SLC36A4: variants seen among roughly 807,000 people sequenced by gnomAD.
SLC36A4 encodes neutral amino acid uniporter 4.
A neutral mutation model predicts 50.5 loss-of-function variants in SLC36A4; 49 were observed. The ratio of observed to expected loss-of-function variants is 0.97; its 90% CI spans 0.77 to 1.23. SLC36A4 has a LOEUF of 1.23. SLC36A4 is among the 50% of genes most tolerant of loss of function. SLC36A4 has a pLI of 0.00. For synonymous variants in SLC36A4, 207 were observed against 206.5 expected (o/e 1.00, Z -0.02); for missense variants, 611 against 608.4 (o/e 1.00, Z -0.05).
chr11:93,180,701 T>C, intron 6 of SLC36A4, 96 bp downstream of exon 6: 3 of 847,212 alleles, frequency 3.5e-6, no homozygotes, highest in Non-Finnish European at 5.7e-6. Context: ...AAGGAACACA[T>C]TTTCAAATTC....
Position 93,148,379 on chromosome 11 carries a change from TA to T in SLC36A4, c.*157del. 1.5e-6 allele frequency: 1 copy of T among 654,396 alleles called. No homozygotes were observed. The highest frequency in any genetic ancestry group is 2.2e-5 in the South Asian group (1 of 44,868). 40.5% of individuals were successfully genotyped at this position (654,396 alleles called of 1,614,324 possible). A position where few individuals can be genotyped will look rare whatever the true frequency, so the allele number is the denominator to read the frequency against. On this transcript the variant is annotated 3_prime_UTR_variant, in exon 11 of 11. Transcript: ENST00000326402. ...CAAGGATTTTTCATAGGTTTACCAC[TA>T]CTGGTAAAGAGTTATGATTACTTCC...
At chr11:93,186,676 T>C (rs1172670126) in intron 1 of SLC36A4, among the ~76,000 whole-genome samples, 1 of 152,234 alleles carries the variant, frequency 6.6e-6, no homozygotes, top group Non-Finnish European at 1.5e-5. Context: ...TGACAATACA[T>C]ATGATGTTTT....
At chr11:93,175,304 CATT>C (rs1861404498) in intron 6 of SLC36A4, among the ~76,000 whole-genome samples, 1 of 151,888 alleles carries the variant, frequency 6.6e-6, no homozygotes, top group Non-Finnish European at 1.5e-5. Context: ...TCCCCTTTAT[CATT>C]TTTTATTGCG....
chr11:93,184,762 C>A (rs954356452), intron 2 of SLC36A4, among the ~76,000 whole-genome samples: 5 of 152,032 alleles, frequency 3.3e-5, no homozygotes, highest in Admixed American at 2.6e-4. Flanking sequence ...ATCCGCCAAA[C>A]AAGATACTAA....
At position 93,148,367 on chromosome 11, in the gene SLC36A4, T is replaced by C. The variant is rs770797587; in HGVS notation, c.*170A>G. The C allele has an allele frequency of 8.9e-6, 5 of 560,458 alleles. No homozygotes were observed. Among genetic ancestry groups the C allele is most frequent in the African/African-American group, 3.9e-5 (2 of 51,070 alleles). The allele number at this position is 560,458 out of a possible 1,614,324, so 34.7% of individuals were successfully genotyped here. On this transcript the variant is annotated 3_prime_UTR_variant, in exon 11 of 11. Transcript: ENST00000326402. ...AACACTTAAAAGCAAGGATTTTTCA[T>C]AGGTTTACCACTACTGGTAAAGAGT...
intron 1 of SLC36A4, chr11:93,193,173 T>C: frequency 6.8e-6 from 2 of 294,022 alleles, no homozygotes; most frequent in Non-Finnish European, 1.0e-5. Flanking sequence ...ATTTATGACC[T>C]ATAAACTGTG....
chr11:93,172,596 T>C, intron 6 of SLC36A4, among the ~76,000 whole-genome samples: 1 of 140,520 alleles, frequency 7.1e-6, no homozygotes, highest in African/African-American at 2.6e-5. Flanking sequence ...TCCCTCCCCA[T>C]CCCCCCACCC....
rs950445379 is a variant in SLC36A4 at position 93,148,433 on chromosome 11, C to G, written c.*104G>C. On this transcript the variant is annotated 3_prime_UTR_variant, in exon 11 of 11. Transcript: ENST00000326402. The stretch of plus-strand genomic sequence containing the variant: ...AATATTAATATCGTGCCAAAGAAAA[C>G]AGAGTTTGTTACCATTTTTATGTAT... 9.9e-6 allele frequency: 10 copies of G among 1,006,460 alleles called. No homozygotes were observed. The African/African-American group carries it at 1.6e-4, about 17-fold the overall frequency. 62.3% of individuals were successfully genotyped at this position (1,006,460 alleles called of 1,614,324 possible).
intron 6 of SLC36A4, among the ~76,000 whole-genome samples, chr11:93,179,099 C>T (rs776299246): frequency 1.3e-5 from 2 of 152,112 alleles, no homozygotes; most frequent in Non-Finnish European, 1.5e-5. Flanking sequence ...TGGCAGAGAC[C>T]ATCAATACGG....
At chr11:93,185,602 A>G (rs1315795172) in intron 2 of SLC36A4, 89 bp downstream of exon 2, 2 of 1,202,010 alleles carry the variant, frequency 1.7e-6, no homozygotes, top group African/African-American at 3.1e-5. Flanking sequence ...TGTGTCTTGT[A>G]ATGTAATAGA....
intron 7 of SLC36A4, chr11:93,166,894 G>T (rs1051064127): frequency 1.3e-5 from 2 of 152,150 alleles, no homozygotes; most frequent in African/African-American, 4.8e-5. Flanking sequence ...CATATACTGG[G>T]TTTAGAATGA....
At chr11:93,196,443 G>T (rs756944638) in intron 1 of SLC36A4, among the ~76,000 whole-genome samples, 5 of 151,952 alleles carry the variant, frequency 3.3e-5, no homozygotes, top group African/African-American at 7.3e-5. Flanking sequence ...CTCGGCTCAC[G>T]GCAAGCTCCG....
At chr11:93,196,516 G>C (rs574154962) in intron 1 of SLC36A4, among the ~76,000 whole-genome samples, 1 of 152,076 alleles carries the variant, frequency 6.6e-6, no homozygotes, top group Non-Finnish European at 1.5e-5. Context: ...ACAGGCGCCC[G>C]CCACCACGCC....
Position 93,197,775 on chromosome 11 carries a change from G to T in SLC36A4, c.55+3C>A, listed in dbSNP as rs746302628. On this transcript the variant is annotated splice_donor_region_variant and intron_variant, in intron 1 of 10. Transcript: ENST00000326402. ...CGGCTCCCTGCCCACGCACAACACCGACCTAGCTCCTCGCGCCTCGCCGCC... is the reference window on the plus strand; with the variant it reads ...CGGCTCCCTGCCCACGCACAACACCTACCTAGCTCCTCGCGCCTCGCCGCC... The T allele has an allele frequency of 2.5e-6, 4 of 1,588,372 alleles. No homozygotes were observed. The highest frequency in any genetic ancestry group is 3.4e-6 in the Non-Finnish European group (4 of 1,174,086).
At chr11:93,172,659 T>C (rs1226317425) in intron 6 of SLC36A4, among the ~76,000 whole-genome samples, 1 of 143,056 alleles carries the variant, frequency 7.0e-6, no homozygotes, top group Non-Finnish European at 1.5e-5. Flanking sequence ...TGTGATCTCA[T>C]TGTTCAATTC....
At chr11:93,160,037 TGAAA>T (rs1860549827) in intron 9 of SLC36A4, 1 of 985,262 alleles carries the variant, frequency 1.0e-6, no homozygotes, top group African/African-American at 1.7e-5. Context: ...AGGAAAGAAG[TGAAA>T]GAGAGACTCG....
At chr11:93,182,297 T>C (rs1861771861) in intron 4 of SLC36A4, 1 of 897,126 alleles carries the variant, frequency 1.1e-6, no homozygotes, top group Non-Finnish European at 1.3e-6. Context: ...TTGCCCAAAG[T>C]TTTAAGAGTA....
intron 9 of SLC36A4, 103 bp downstream of exon 9, chr11:93,162,603 T>A (rs1325837781): frequency 2.9e-6 from 3 of 1,036,126 alleles, no homozygotes; most frequent in South Asian, 3.8e-5. Context: ...ACAGTAAAAA[T>A]TTTAAATGTT....
At chr11:93,181,091 T>C (rs1190376522) in intron 5 of SLC36A4, among the ~76,000 whole-genome samples, 1 of 152,070 alleles carries the variant, frequency 6.6e-6, no homozygotes, top group African/African-American at 2.4e-5. Flanking sequence ...CTACTAACAC[T>C]GTTCTTCTTT....
Sources: gnomAD v4.1 joint callset for allele counts (sites outside exome capture counted in the v4.1 genomes callset) on GRCh38, gnomAD v4.1.1 for gene constraint, MANE v1.5 for transcripts, NCBI Gene and HGNC (gene_info 2026-07-23, HGNC 2026-07-21) for gene names.